Variants in ATE1 observed in about 807,000 individuals in gnomAD.
ATE1 encodes the protein arginyltransferase 1, also known as arginyl-tRNA--protein transferase 1.
Under a neutral mutation model 70.5 loss-of-function variants are expected in ATE1, and 36 were observed. That is an observed-to-expected ratio of 0.51 (90% CI 0.39 to 0.67). The LOEUF (loss-of-function observed/expected upper bound fraction) is 0.67. Ranked by LOEUF, ATE1 falls within the 30% of genes least tolerant of loss-of-function variation. ATE1 has a pLI of 0.00. For synonymous variants in ATE1, 232 were observed against 219.3 expected (o/e 1.06, Z -0.51); for missense variants, 593 against 629.5 (o/e 0.94, Z 0.62).
Position 121,872,512 on chromosome 10 carries a change from T to TG in ATE1, c.943-2475_943-2474insC, listed in dbSNP as rs200058450. ...CTTTTAGAGCATCAGTAAAACCCAT[T>TG]TTTTTTTATGTTTCACTTCAGTTAA... On this transcript the variant is annotated intron_variant, in intron 7 of 11. Coordinates refer to ENST00000224652, the MANE Select transcript of ATE1 (RefSeq NM_001001976.3). Among the ~76,000 whole-genome samples, 1,075 of 151,460 alleles carry TG rather than the reference T, an allele frequency of 7.1e-3. 24 individuals are homozygous for TG. Among genetic ancestry groups the TG allele is most frequent in the African/African-American group, 0.025 (1,017 of 41,042 alleles).
chr10:121,806,674 G>A (rs181931801), intron 10 of ATE1, among the ~76,000 whole-genome samples: 73 of 152,284 alleles, frequency 4.8e-4, no homozygotes, highest in African/African-American at 1.4e-3. Flanking sequence ...CCAAGCTGAT[G>A]TACTTGGGGG....
intron 5 of ATE1, among the ~76,000 whole-genome samples, chr10:121,905,378 T>A (rs11200242): frequency 0.13 from 20,151 of 152,206 alleles, 1,537 homozygotes; most frequent in East Asian, 0.19. Flanking sequence ...AAGTTATAAA[T>A]TTATAAGCAA....
chr10:121,786,195 C>T, intron 11 of ATE1, among the ~76,000 whole-genome samples: 1 of 122,988 alleles, frequency 8.1e-6, no homozygotes, highest in South Asian at 2.9e-4. Context: ...AGCACATGCT[C>T]AAGAAAGTTT....
intron 10 of ATE1, among the ~76,000 whole-genome samples, chr10:121,801,813 G>C (rs1946891217): frequency 1.3e-5 from 2 of 151,852 alleles, no homozygotes; most frequent in South Asian, 4.2e-4. Flanking sequence ...TTTCTCCTTT[G>C]AATTCATCCA....
chr10:121,789,532 C>G (rs1946350094), intron 11 of ATE1, among the ~76,000 whole-genome samples: 1 of 152,032 alleles, frequency 6.6e-6, no homozygotes, highest in African/African-American at 2.4e-5. Flanking sequence ...CTCCTGACCT[C>G]ACGTGATCTG....
chr10:121,927,941 G>A lies in ATE1; in HGVS notation c.9C>T (p.Phe3=), dbSNP rs79570924. The A allele has an allele frequency of 0.09, 141,571 of 1,565,434 alleles. 7,059 individuals are homozygous for A. The highest frequency in any genetic ancestry group is 0.22 in the Admixed American group (11,907 of 55,076). MA[F]WAGGSPSVVD... is the part of the protein sequence containing the mutation. ...CGACGCTGGGCGAACCCCCCGCCCA[G>A]AAAGCCATGGCCTCGGCCCCGCGAA... The change falls in exon 1 of 12, where the codon TTC becomes TTT. Residue 3 remains phenylalanine (F), a synonymous_variant. Transcript: ENST00000224652.
chr10:121,845,108 A>G (rs1948767687), intron 8 of ATE1, among the ~76,000 whole-genome samples: 1 of 152,166 alleles, frequency 6.6e-6, no homozygotes, highest in Non-Finnish European at 1.5e-5. Flanking sequence ...GCTCTGGGAA[A>G]CCAAAAATTT....
In ATE1 at chr10:121,878,559, C is replaced by T. The variant is rs1413483529; in HGVS notation, c.943-8521G>A. Among the ~76,000 whole-genome samples, 8 of 151,226 alleles carry T rather than the reference C, an allele frequency of 5.3e-5. No homozygotes were observed. In the South Asian group the frequency reaches 1.7e-3, roughly 32 times the overall value. On this transcript the variant is annotated intron_variant, in intron 7 of 11. Coordinates refer to ENST00000224652, the MANE Select transcript of ATE1 (RefSeq NM_001001976.3). ...AGTGAACCGAGATCACACGACTGCG[C>T]TCCAGCCTGGGCGACAGAGGGAGAC...
At chr10:121,873,060 T>A (rs886208342) in intron 7 of ATE1, among the ~76,000 whole-genome samples, 12 of 152,138 alleles carry the variant, frequency 7.9e-5, no homozygotes, top group African/African-American at 2.9e-4. Context: ...TACCCACTTT[T>A]AAAGATTACT....
At chr10:121,806,864 C>A (rs1363126822) in intron 10 of ATE1, among the ~76,000 whole-genome samples, 1 of 152,150 alleles carries the variant, frequency 6.6e-6, no homozygotes, top group Non-Finnish European at 1.5e-5. Context: ...AAGTTTTCTG[C>A]AGGTTTGACA....
chr10:121,828,709 C>T (rs1042498951), intron 10 of ATE1, among the ~76,000 whole-genome samples: 2 of 152,140 alleles, frequency 1.3e-5, no homozygotes, highest in African/African-American at 2.4e-5. Context: ...ATGAGAAGCC[C>T]TGACGGTGGA....
At chr10:121,916,450 T>C (rs1052602834) in intron 3 of ATE1, among the ~76,000 whole-genome samples, 5 of 152,146 alleles carry the variant, frequency 3.3e-5, no homozygotes, top group Admixed American at 3.3e-4. Flanking sequence ...GTCTCAAAAA[T>C]GTAACTCTTA....
chr10:121,816,366 C>T (rs938650779), intron 10 of ATE1, among the ~76,000 whole-genome samples: 2 of 152,142 alleles, frequency 1.3e-5, no homozygotes, highest in African/African-American at 4.8e-5. Context: ...TTAATCCTCA[C>T]TGTAGTGGTA....
intron 1 of ATE1, among the ~76,000 whole-genome samples, chr10:121,925,599 A>AGGT (rs1165174048): frequency 6.6e-6 from 1 of 152,088 alleles, no homozygotes; most frequent in African/African-American, 2.4e-5. Context: ...AGGCTTCATG[A>AGGT]GGTGGTGGCT....
intron 10 of ATE1, among the ~76,000 whole-genome samples, 169 bp downstream of exon 10, chr10:121,836,549 G>T (rs1478043018): frequency 1.3e-5 from 2 of 152,170 alleles, no homozygotes; most frequent in African/African-American, 4.8e-5. Flanking sequence ...GAGCAGAAGA[G>T]GCTGTGGTTC....
chr10:121,883,601 CTGTT>C (rs1431639614), intron 7 of ATE1, among the ~76,000 whole-genome samples: 4 of 152,066 alleles, frequency 2.6e-5, no homozygotes, highest in Non-Finnish European at 5.9e-5. Flanking sequence ...GCTCGGCATT[CTGTT>C]TGAGAAGCTG....
At chr10:121,879,981 T>C (rs1259922212) in intron 7 of ATE1, among the ~76,000 whole-genome samples, 4 of 152,148 alleles carry the variant, frequency 2.6e-5, no homozygotes, top group South Asian at 2.1e-4. Flanking sequence ...CCTTAAAAAA[T>C]TGGGTGTCTT....
At chr10:121,901,134 G>A (rs1950965678) in intron 6 of ATE1, among the ~76,000 whole-genome samples, 3 of 152,030 alleles carry the variant, frequency 2.0e-5, no homozygotes, top group African/African-American at 7.2e-5. Flanking sequence ...GGGCGTAGTG[G>A]TGGGCACTTG....
Position 121,743,661 on chromosome 10 carries a change from C to A in ATE1, c.*19G>T, listed in dbSNP as rs778484084. On this transcript the variant is annotated 3_prime_UTR_variant, in exon 12 of 12. Coordinates refer to ENST00000224652, the MANE Select transcript of ATE1 (RefSeq NM_001001976.3). ...AATCATCAGCACAACACAGGAACTT[C>A]CCGGCAGAGGTGAACAGGTCAGTTT... is the stretch of plus-strand genomic sequence containing the variant. 2 of 1,584,404 alleles carry A rather than the reference C, an allele frequency of 1.3e-6. No individual in the cohort carries two copies. The highest frequency in any genetic ancestry group is 1.4e-5 in the African/African-American group (1 of 73,946).
Sources: gnomAD v4.1 joint callset for allele counts (sites outside exome capture counted in the v4.1 genomes callset) on GRCh38, gnomAD v4.1.1 for gene constraint, MANE v1.5 for transcripts, NCBI Gene and HGNC (gene_info 2026-07-23, HGNC 2026-07-21) for gene names.